Variants in CFAP299 observed in about 807,000 individuals in gnomAD.
CFAP299 encodes cilia and flagella associated protein 299, also known as cilia- and flagella-associated protein 299.
Under a neutral mutation model 27.0 loss-of-function variants are expected in CFAP299, and 21 were observed. The ratio of observed to expected loss-of-function variants is 0.78; its 90% CI spans 0.55 to 1.12. The LOEUF (loss-of-function observed/expected upper bound fraction) is 1.12. Among genes scored for constraint, CFAP299 ranks in the 50% most tolerant of loss-of-function variants. The pLI is 0.00. For missense variants in CFAP299, 310 were observed against 276.6 expected (o/e 1.12, Z -0.86); for synonymous variants, 104 against 98.1 (o/e 1.06, Z -0.36).
intron 3 of CFAP299, among the ~76,000 whole-genome samples, chr4:80,862,600 A>G (rs1410013595): frequency 1.3e-5 from 2 of 152,070 alleles, no homozygotes; most frequent in African/African-American, 2.4e-5. Flanking sequence ...ACCTTTTGCA[A>G]TGACATTTGG....
At chr4:80,661,934 T>C (rs375057601) in intron 3 of CFAP299, among the ~76,000 whole-genome samples, 48 of 152,230 alleles carry the variant, frequency 3.2e-4, no homozygotes, top group African/African-American at 1.1e-3. Flanking sequence ...AGGGATAAAA[T>C]AAGCCCCAGT....
chr4:80,865,166 G>A (rs140138782), intron 3 of CFAP299, among the ~76,000 whole-genome samples: 114 of 152,230 alleles, frequency 7.5e-4, no homozygotes, highest in African/African-American at 2.6e-3. Flanking sequence ...ATAATAAAAT[G>A]TTTGAAACAA....
intron 3 of CFAP299, among the ~76,000 whole-genome samples, chr4:80,690,011 C>A (rs1720546945): frequency 6.7e-6 from 1 of 149,032 alleles, no homozygotes; most frequent in Non-Finnish European, 1.5e-5. Context: ...AATATATATG[C>A]ACCCAACACA....
intron 2 of CFAP299, among the ~76,000 whole-genome samples, chr4:80,563,370 A>G (rs1467388617): frequency 6.6e-6 from 1 of 152,144 alleles, no homozygotes; most frequent in Non-Finnish European, 1.5e-5. Flanking sequence ...AATGGAATAC[A>G]ACTAGAAATT....
intron 2 of CFAP299, among the ~76,000 whole-genome samples, chr4:80,470,442 A>G (rs775684728): frequency 7.6e-5 from 11 of 144,060 alleles, no homozygotes; most frequent in Admixed American, 7.5e-4. Flanking sequence ...TCATGTTGTC[A>G]TTACAAACAT....
At chr4:80,823,848 A>G (rs1489450821) in intron 3 of CFAP299, among the ~76,000 whole-genome samples, 3 of 152,130 alleles carry the variant, frequency 2.0e-5, no homozygotes, top group African/African-American at 7.2e-5. Context: ...TAATTTATAG[A>G]ATTAGTATTT....
intron 4 of CFAP299, among the ~76,000 whole-genome samples, chr4:80,923,192 G>A (rs1736132951): frequency 2.6e-5 from 4 of 152,008 alleles, no homozygotes; most frequent in Admixed American, 1.3e-4. Flanking sequence ...CCCACAGCCA[G>A]GAAGAGGAGG....
At chr4:80,775,815 TG>T (rs1346375447) in intron 3 of CFAP299, among the ~76,000 whole-genome samples, 1 of 152,122 alleles carries the variant, frequency 6.6e-6, no homozygotes, top group East Asian at 1.9e-4. Context: ...GAGAAAGACA[TG>T]AGTCTTTGTT....
chr4:80,461,326 A>T (rs1360119529), intron 2 of CFAP299, among the ~76,000 whole-genome samples: 1 of 152,166 alleles, frequency 6.6e-6, no homozygotes, highest in Non-Finnish European at 1.5e-5. Flanking sequence ...ACAGCTTTAC[A>T]GGGCCATTTC....
In CFAP299 at chr4:80,795,499, A is replaced by G. The variant is rs181825200; in HGVS notation, c.334-74494A>G. The stretch of plus-strand genomic sequence containing the variant: ...CAGAACCATCTGTGAACCAGGCCCT[A>G]GTATTCTCTTCCTCTGTCAACTGAT... On this transcript the variant is annotated intron_variant, in intron 3 of 5. Coordinates refer to ENST00000358105, the MANE Select transcript of CFAP299 (RefSeq NM_152770.3). Among the ~76,000 whole-genome samples the G allele has an allele frequency of 2.4e-4, 37 of 152,272 alleles. No homozygotes were observed. The East Asian group carries it at 7.0e-3, about 29-fold the overall frequency.
rs145761404 is a variant in CFAP299, at chr4:80,406,069, A to C, written c.242+43185A>C. Among the ~76,000 whole-genome samples the C allele has an allele frequency of 6.4e-4, 97 of 152,326 alleles. 2 individuals are homozygous for C. Among genetic ancestry groups the C allele is most frequent in the Middle Eastern group, 6.8e-3 (2 of 294 alleles). On this transcript the variant is annotated intron_variant, in intron 2 of 5. Coordinates refer to ENST00000358105, the MANE Select transcript of CFAP299 (RefSeq NM_152770.3). ...AAACTCCAAAACAAAACAACAACAA[A>C]AAACCTAATGTCCCACACAAGATCA...
chr4:80,412,489 A>G (rs1215989288), intron 2 of CFAP299, among the ~76,000 whole-genome samples: 2 of 152,202 alleles, frequency 1.3e-5, no homozygotes, highest in African/African-American at 4.8e-5. Context: ...TGGAATGTGC[A>G]GACATAACAT....
intron 2 of CFAP299, among the ~76,000 whole-genome samples, chr4:80,515,809 T>G (rs1017882751): frequency 2.0e-5 from 3 of 152,186 alleles, no homozygotes; most frequent in Non-Finnish European, 4.4e-5. Context: ...TTTAGAAATC[T>G]CTTATATGTA....
chr4:80,731,096 C>T (rs778266890), intron 3 of CFAP299, among the ~76,000 whole-genome samples: 16 of 152,052 alleles, frequency 1.1e-4, no homozygotes, highest in Non-Finnish European at 2.1e-4. Context: ...CCTGTTTTAC[C>T]TGAGTATATT....
At chr4:80,732,070 G>GACACACACAC (rs76562370) in intron 3 of CFAP299, among the ~76,000 whole-genome samples, 15 of 110,512 alleles carry the variant, frequency 1.4e-4, no homozygotes, top group African/African-American at 5.0e-4. Context: ...CAGACACACA[G>GACACACACAC]ACACACACAC....
chr4:80,839,749 T>A (rs900699619), intron 3 of CFAP299, among the ~76,000 whole-genome samples: 1 of 151,840 alleles, frequency 6.6e-6, no homozygotes, highest in Admixed American at 6.6e-5. Context: ...AAAAAAAAGA[T>A]ACTCTTTGTG....
intron 4 of CFAP299, among the ~76,000 whole-genome samples, chr4:80,916,002 C>T (rs1318921158): frequency 6.6e-6 from 1 of 151,354 alleles, no homozygotes; most frequent in Non-Finnish European, 1.5e-5. Flanking sequence ...TGGCTCACAC[C>T]TGTAATCCCA....
At chr4:80,918,700 A>G (rs1735886683) in intron 4 of CFAP299, among the ~76,000 whole-genome samples, 2 of 152,028 alleles carry the variant, frequency 1.3e-5, no homozygotes, top group Admixed American at 1.3e-4. Flanking sequence ...CCCCAACTCT[A>G]ATGGTGAGAG....
chr4:80,696,078 G>T (rs965577596), intron 3 of CFAP299, among the ~76,000 whole-genome samples: 1 of 152,028 alleles, frequency 6.6e-6, no homozygotes, highest in African/African-American at 2.4e-5. Flanking sequence ...GAGGTGGGTG[G>T]ATCATGAGGT....
Sources: gnomAD v4.1 joint callset for allele counts (sites outside exome capture counted in the v4.1 genomes callset) on GRCh38, gnomAD v4.1.1 for gene constraint, MANE v1.5 for transcripts, NCBI Gene and HGNC (gene_info 2026-07-23, HGNC 2026-07-21) for gene names.